NCKAP5: variants seen among roughly 807,000 people sequenced by gnomAD.
NCKAP5 encodes the protein nck-associated protein 5.
In NCKAP5, 92 loss-of-function variants were observed where a neutral mutation model predicts 167.0. That is an observed-to-expected ratio of 0.55 (90% CI 0.47 to 0.66). The LOEUF is 0.66. Ranked by LOEUF, NCKAP5 falls within the 30% of genes least tolerant of loss-of-function variation. The pLI is 0.00. For synonymous variants in NCKAP5, 891 were observed against 877.4 expected (o/e 1.02, Z -0.27); for missense variants, 2,378 against 2,315.0 (o/e 1.03, Z -0.56).
Position 133,086,892 on chromosome 2 carries a change from C to T in NCKAP5, c.341+43086G>A, listed in dbSNP as rs11886741. Among the ~76,000 whole-genome samples the T allele has an allele frequency of 8.8e-3, 1,332 of 152,162 alleles. 20 individuals carry two copies. The highest frequency in any genetic ancestry group is 0.03 in the African/African-American group (1,231 of 41,494). On this transcript the variant is annotated intron_variant, in intron 6 of 19. Transcript: ENST00000409261. ...TTTAGACACGAACATTTTATATTTC[C>T]ATGCATCATCTATAATACAGGTATA...
At chr2:133,156,491 G>A (rs1375240765) in intron 5 of NCKAP5, among the ~76,000 whole-genome samples, 5 of 152,078 alleles carry the variant, frequency 3.3e-5, no homozygotes, top group Non-Finnish European at 7.4e-5. Context: ...AAATGTGTAT[G>A]AAATCTTAAA....
At chr2:133,033,383 A>G (rs1458298203) in intron 6 of NCKAP5, among the ~76,000 whole-genome samples, 1 of 152,200 alleles carries the variant, frequency 6.6e-6, no homozygotes, top group Non-Finnish European at 1.5e-5. Flanking sequence ...CCTTCCCTAT[A>G]AGGATGACTA....
intron 4 of NCKAP5, among the ~76,000 whole-genome samples, chr2:133,299,545 G>T (rs954350381): frequency 3.3e-5 from 5 of 152,098 alleles, no homozygotes; most frequent in Admixed American, 3.3e-4. Flanking sequence ...TCAGGAGTTC[G>T]AGACCAGCCT....
intron 2 of NCKAP5, among the ~76,000 whole-genome samples, chr2:133,543,357 ACTT>A (rs1233721779): frequency 6.6e-6 from 1 of 152,114 alleles, no homozygotes; most frequent in African/African-American, 2.4e-5. Flanking sequence ...ACCCAATTAA[ACTT>A]CTTCTCTTTA....
intron 16 of NCKAP5, among the ~76,000 whole-genome samples, chr2:132,765,863 T>A (rs1022174045): frequency 9.2e-5 from 14 of 152,192 alleles, no homozygotes; most frequent in Admixed American, 6.5e-4. Context: ...GGGCAACTGC[T>A]AGGAAGTGTT....
At chr2:132,838,967 T>G (rs1688097378) in intron 11 of NCKAP5, among the ~76,000 whole-genome samples, 2 of 152,218 alleles carry the variant, frequency 1.3e-5, no homozygotes, top group Non-Finnish European at 2.9e-5. Context: ...ACTAGTGACA[T>G]GGAGAACCTT....
chr2:133,591,184 T>C, the NCKAP5 span, among the ~76,000 whole-genome samples: 4 of 152,168 alleles, frequency 2.6e-5, no homozygotes, highest in Non-Finnish European at 4.4e-5. Flanking sequence ...AAGTAGGGCT[T>C]CTTGTCAGGT....
the NCKAP5 span, among the ~76,000 whole-genome samples, chr2:133,659,015 G>A: frequency 6.6e-6 from 1 of 151,986 alleles, no homozygotes; most frequent in African/African-American, 2.4e-5. Flanking sequence ...AAATTTAAAG[G>A]CATCAGATGA....
intron 3 of NCKAP5, among the ~76,000 whole-genome samples, chr2:133,483,917 G>T (rs548878245): frequency 6.6e-6 from 1 of 152,310 alleles, no homozygotes; most frequent in East Asian, 1.9e-4. Flanking sequence ...AGAATGTGGA[G>T]TTGGAACATT....
chr2:133,226,236 G>A (rs1201048832), intron 4 of NCKAP5, among the ~76,000 whole-genome samples: 7 of 152,100 alleles, frequency 4.6e-5, no homozygotes, highest in South Asian at 2.1e-4. Context: ...CCGCCACACC[G>A]GGCCCAAAAA....
chr2:132,874,103 A>ATTTTTTTTTT (rs4057987), intron 9 of NCKAP5, among the ~76,000 whole-genome samples: 3 of 113,176 alleles, frequency 2.7e-5, no homozygotes, highest in Non-Finnish European at 5.2e-5. Context: ...CAAGACCTTG[A>ATTTTTTTTTT]TTTTTTTTTT....
At chr2:132,764,322 G>C (rs1435503715) in intron 16 of NCKAP5, among the ~76,000 whole-genome samples, 1 of 152,156 alleles carries the variant, frequency 6.6e-6, no homozygotes, top group Non-Finnish European at 1.5e-5. Context: ...TCAGTCCTTG[G>C]TCAGAAGATA....
intron 8 of NCKAP5, chr2:132,929,910 A>C (rs1476325314): frequency 6.6e-6 from 1 of 152,180 alleles, no homozygotes; most frequent in Non-Finnish European, 1.5e-5. Flanking sequence ...AATTCTTCAG[A>C]GATACGAGTC....
intron 6 of NCKAP5, among the ~76,000 whole-genome samples, chr2:133,099,615 G>C (rs1236384491): frequency 6.6e-6 from 1 of 152,080 alleles, no homozygotes; most frequent in Non-Finnish European, 1.5e-5. Context: ...CTTTGTTTTT[G>C]TGGCCCCTAA....
chr2:133,553,957 C>T (rs886794194), intron 2 of NCKAP5, among the ~76,000 whole-genome samples: 1 of 152,156 alleles, frequency 6.6e-6, no homozygotes, highest in Non-Finnish European at 1.5e-5. Context: ...TCTCACAAGG[C>T]TAAAATCAAT....
chr2:132,968,853 AC>A (rs1346540977), intron 7 of NCKAP5, among the ~76,000 whole-genome samples: 1 of 152,118 alleles, frequency 6.6e-6, no homozygotes, highest in Non-Finnish European at 1.5e-5. Context: ...GCAAGTGGAA[AC>A]CTTTTTCAAG....
intron 3 of NCKAP5, among the ~76,000 whole-genome samples, chr2:133,490,301 C>T (rs1253313718): frequency 6.6e-6 from 1 of 152,130 alleles, no homozygotes; most frequent in Non-Finnish European, 1.5e-5. Context: ...TACGGCGATG[C>T]TAGTTTTTCT....
chr2:133,436,731 T>A (rs563657701), intron 3 of NCKAP5, among the ~76,000 whole-genome samples: 1 of 152,178 alleles, frequency 6.6e-6, no homozygotes, highest in African/African-American at 2.4e-5. Context: ...CACTTGCTTA[T>A]GAGAACAGAT....
In NCKAP5 at chr2:133,475,431, T is replaced by A. The variant is rs557128324; in HGVS notation, c.69+42027A>T. Among the ~76,000 whole-genome samples, 5 of 152,292 alleles carry A rather than the reference T, an allele frequency of 3.3e-5. No homozygotes were observed. In the East Asian group the frequency reaches 7.7e-4, roughly 24 times the overall value. ...ATGTGCTTCAATTAAACCATCTACA[T>A]AAATGACATCCCCAACCCACAACTA... On this transcript the variant is annotated intron_variant, in intron 3 of 19. Transcript: ENST00000409261.
Sources: allele counts gnomAD v4.1 joint callset (sites outside exome capture counted in the v4.1 genomes callset), GRCh38; gene constraint gnomAD v4.1.1; transcripts MANE v1.5; gene names NCBI Gene and HGNC (gene_info 2026-07-23, HGNC 2026-07-21).